The following TUBE1 variants were observed in gnomAD, a reference collection of about 807,000 sequenced individuals.
The protein encoded by TUBE1 is tubulin epsilon 1.
Under a neutral mutation model 53.5 loss-of-function variants are expected in TUBE1, and 34 were observed. The observed-to-expected ratio is 0.64, with a 90% CI of 0.48 to 0.85. The LOEUF (loss-of-function observed/expected upper bound fraction) is 0.85. TUBE1 is among the 40% of genes least tolerant of loss of function. The pLI, the probability that TUBE1 is intolerant of heterozygous loss-of-function variation, is 0.00. For missense variants in TUBE1, 532 were observed against 570.5 expected, an observed-to-expected ratio of 0.93 and a Z score of 0.69; for synonymous variants, 177 against 198.4, an observed-to-expected ratio of 0.89 and a Z score of 0.91.
intron 2 of TUBE1, 173 bp from the exon 3 acceptor site, chr6:112,086,781 T>C (rs1337844851): frequency 2.0e-5 from 11 of 544,024 alleles, no homozygotes; most frequent in Non-Finnish European, 3.2e-5. Context: ...GAAGAGTAAA[T>C]GCCAGATCTA....
Position 112,076,000 on chromosome 6 carries a change from T to G in TUBE1, c.749A>C (p.Gln250Pro). ...CATTGCATCAAAGGGCTTCTTATGC[T>G]GCTTTTTTAAAGCCCCAGAACTTGA... ...VTSSSGALKK[Q>P]HKKPFDAMNN... is the part of the protein sequence containing the mutation. Residue 250 changes from glutamine to proline, a missense_variant, in exon 8 of 12, where the codon CAG (glutamine) becomes CCG (proline). Physicochemically the swap from Gln to Pro is moderately conservative, Grantham distance 76. Transcript: ENST00000368662. 6.2e-7 allele frequency: 1 copy of G among 1,613,990 alleles called. No homozygotes were observed. Among genetic ancestry groups the G allele is most frequent in the Non-Finnish European group, 8.5e-7 (1 of 1,179,932 alleles).
chr6:112,076,312 C>T lies in TUBE1; in HGVS notation c.636+10G>A. The T allele has an allele frequency of 2.6e-6, 4 of 1,554,144 alleles. No individual in the cohort carries two copies. The highest frequency in any genetic ancestry group is 3.5e-6 in the Non-Finnish European group (4 of 1,151,474). On this transcript the variant is annotated intron_variant, in intron 7 of 11. Transcript: ENST00000368662. ...AACATTTATTCATAAGTTCCAATGT[C>T]ATTTCTTACTTGATTGTCAATGGGC...
At chr6:112,076,617 G>T in intron 6 of TUBE1, 108 bp from the exon 7 acceptor site, 2 of 958,644 alleles carry the variant, frequency 2.1e-6, no homozygotes, top group Non-Finnish European at 3.0e-6. Context: ...TGTCACCCAG[G>T]CTGGAGTGCA....
At chr6:112,080,933 C>A (rs1777059767) in intron 5 of TUBE1, among the ~76,000 whole-genome samples, 159 bp downstream of exon 5, 1 of 152,098 alleles carries the variant, frequency 6.6e-6, no homozygotes, top group Admixed American at 6.5e-5. Flanking sequence ...GGAGTAAATA[C>A]AGGTGGCTTC....
intron 9 of TUBE1, among the ~76,000 whole-genome samples, chr6:112,074,183 T>G (rs1399171443): frequency 2.0e-5 from 3 of 152,180 alleles, no homozygotes; most frequent in African/African-American, 7.2e-5. Flanking sequence ...CAAAACTACA[T>G]TTTTTGTTAA....
intron 3 of TUBE1, chr6:112,085,224 G>A (rs1193028884): frequency 3.9e-5 from 6 of 153,038 alleles, no homozygotes; most frequent in Admixed American, 3.9e-4. Flanking sequence ...CAAAGATATG[G>A]TTTTACTTTG....
chr6:112,074,932 A>G, intron 8 of TUBE1, 82 bp from the exon 9 acceptor site: 1 of 997,796 alleles, frequency 1.0e-6, no homozygotes, highest in Non-Finnish European at 1.4e-6. Context: ...TTCAGCAGGT[A>G]GTTTCTTAAA....
intron 5 of TUBE1, among the ~76,000 whole-genome samples, 182 bp from the exon 6 acceptor site, chr6:112,079,936 T>C (rs1348429724): frequency 1.3e-5 from 2 of 151,780 alleles, no homozygotes; most frequent in African/African-American, 4.8e-5. Flanking sequence ...ATAGAAAACT[T>C]AACAAATATT....
intron 5 of TUBE1, 103 bp from the exon 6 acceptor site, chr6:112,079,857 C>A: frequency 9.1e-7 from 1 of 1,103,472 alleles, no homozygotes; most frequent in Non-Finnish European, 1.3e-6. Flanking sequence ...GAAAAGTATT[C>A]TTATTGAGCT....
intron 3 of TUBE1, 21 bp downstream of exon 3, chr6:112,086,535 C>G: frequency 1.3e-6 from 2 of 1,595,650 alleles, no homozygotes; most frequent in Non-Finnish European, 1.7e-6. Flanking sequence ...CACACTGTGA[C>G]AGACTTTAAT....
intron 8 of TUBE1, chr6:112,075,062 T>TA: frequency 5.0e-6 from 1 of 199,258 alleles, no homozygotes; most frequent in Non-Finnish European, 9.2e-6. Context: ...CATTTTTTTT[T>TA]TCTTTCTTTT....
At chr6:112,086,745 G>T in intron 2 of TUBE1, 137 bp from the exon 3 acceptor site, 1 of 611,322 alleles carries the variant, frequency 1.6e-6, no homozygotes, top group Non-Finnish European at 2.8e-6. Context: ...ACAAAATGCG[G>T]AGCCTGACTC....
rs1776962499 is a variant in TUBE1, at chr6:112,076,095, A to AT, written c.653_654insA (p.Ser219Ter). On this transcript the variant is annotated frameshift_variant, in exon 8 of 12. Coordinates refer to ENST00000368662, the MANE Select transcript of TUBE1 (RefSeq NM_016262.5). LOFTEE classifies it high-confidence loss of function. ...AATTCACCATGAGGTCGATTTTGCT[A>AT]ATGATGTCAAATAAAGACTTTTGAG... 1.2e-6 allele frequency: 2 copies of AT among 1,612,400 alleles called. No individual in the cohort carries two copies. The highest frequency in any genetic ancestry group is 1.7e-6 in the Non-Finnish European group (2 of 1,179,182).
Position 112,074,753 on chromosome 6 carries a change from T to A in TUBE1, c.910A>T (p.Thr304Ser), listed in dbSNP as rs1554315784. 1.2e-6 allele frequency: 2 copies of A among 1,607,250 alleles called. No individual in the cohort carries two copies. The highest frequency in any genetic ancestry group is 2.7e-5 in the African/African-American group (2 of 74,708). The change falls in exon 9 of 12, where the codon ACA (threonine) becomes TCA (serine). Residue 304 changes from threonine (T) to serine (S), a missense_variant. By Grantham distance (58) the Thr-to-Ser change is moderately conservative (BLOSUM62 1). Coordinates refer to ENST00000368662, the MANE Select transcript of TUBE1 (RefSeq NM_016262.5). ...PQLHYLVSSL[T>S]PLYTLTDVNI... ...ACATCTGTCAGTGTATACAGAGGTGTTAGGCTTGACACGAGATAATGAAGT... is the reference window on the plus strand; with the variant it reads ...ACATCTGTCAGTGTATACAGAGGTGATAGGCTTGACACGAGATAATGAAGT...
intron 6 of TUBE1, chr6:112,078,028 T>C (rs1222755697): frequency 2.6e-5 from 4 of 152,070 alleles, no homozygotes; most frequent in African/African-American, 9.7e-5. Flanking sequence ...TTTCTTCTAA[T>C]TAAGGAAATA....
chr6:112,073,386 A>C (rs2114478840), intron 9 of TUBE1, among the ~76,000 whole-genome samples: 1 of 152,330 alleles, frequency 6.6e-6, no homozygotes, highest in South Asian at 2.1e-4. Flanking sequence ...TCTCCTATAA[A>C]AGATGAAACT....
In TUBE1 at chr6:112,079,677, C is replaced by T; in HGVS notation, c.404G>A (p.Cys135Tyr). ...LEKFRKSAEH[C>Y]DCLQCFFIIH... Reference sequence around the variant, plus strand: ...TATAAAGAAACACTGCAAGCAATCACAGTGCTCTGCCGACTTTCTGAATTT... The same window carrying T: ...TATAAAGAAACACTGCAAGCAATCATAGTGCTCTGCCGACTTTCTGAATTT... Residue 135 changes from cysteine to tyrosine, a missense_variant, in exon 6 of 12, where the codon TGT becomes TAT. Transcript: ENST00000368662. 1.2e-6 allele frequency: 2 copies of T among 1,612,604 alleles called. No individual in the cohort carries two copies. Among genetic ancestry groups the T allele is most frequent in the Non-Finnish European group, 1.7e-6 (2 of 1,179,168 alleles).
intron 8 of TUBE1, chr6:112,075,615 C>A (rs1379106466): frequency 2.2e-5 from 4 of 178,442 alleles, no homozygotes; most frequent in Non-Finnish European, 4.6e-5. Flanking sequence ...TGAGGAGGTA[C>A]AGATTAGTTG....
At chr6:112,071,725 A>G (rs1776869098) in intron 11 of TUBE1, among the ~76,000 whole-genome samples, 155 bp from the exon 12 acceptor site, 1 of 152,226 alleles carries the variant, frequency 6.6e-6, no homozygotes, top group African/African-American at 2.4e-5. Context: ...CTATAAACTC[A>G]TGAATTTTCT....
Sources: allele counts gnomAD v4.1 joint callset (sites outside exome capture counted in the v4.1 genomes callset), GRCh38; gene constraint gnomAD v4.1.1; transcripts MANE v1.5; gene names NCBI Gene and HGNC (gene_info 2026-07-23, HGNC 2026-07-21).